DERA: variants seen among roughly 807,000 people sequenced by gnomAD.
DERA encodes the protein 2-deoxy-D-ribose 5-phosphate aldolase.
In DERA, 15 loss-of-function variants were observed where a neutral mutation model predicts 41.1. That is an observed-to-expected ratio of 0.37 (90% CI 0.24 to 0.56). DERA has a LOEUF of 0.56. DERA is among the 20% of genes least tolerant of loss of function. The pLI, the probability that DERA is intolerant of heterozygous loss-of-function variation, is 0.81. For synonymous variants in DERA, 139 were observed against 137.4 expected, an observed-to-expected ratio of 1.01 and a Z score of -0.08; for missense variants, 396 against 403.4, an observed-to-expected ratio of 0.98 and a Z score of 0.16.
rs1173044900 is a variant in DERA at position 15,959,040 on chromosome 12, C to T, written c.277+705C>T. Among the ~76,000 whole-genome samples, 2 of 152,154 alleles carry T rather than the reference C, an allele frequency of 1.3e-5. No homozygotes were observed. Among genetic ancestry groups the T allele is most frequent in the Admixed American group, 6.5e-5 (1 of 15,286 alleles). Reference sequence around the variant, plus strand: ...TTCCCATGGAGTATGCTTCATGGCCCCCGAGTGCCTATCTGCTGTGAGTGC... The same window carrying T: ...TTCCCATGGAGTATGCTTCATGGCCTCCGAGTGCCTATCTGCTGTGAGTGC... On this transcript the variant is annotated intron_variant, in intron 3 of 8. Coordinates refer to ENST00000428559, the MANE Select transcript of DERA (RefSeq NM_015954.4). The surrounding 1 kb of genome is among the most constrained non-coding windows in gnomAD (Gnocchi z 4.5).
At chr12:16,024,625 C>T (rs1592055924) in intron 6 of DERA, among the ~76,000 whole-genome samples, 2 of 152,116 alleles carry the variant, frequency 1.3e-5, no homozygotes, top group South Asian at 2.1e-4. Context: ...CAAAGCTTCC[C>T]AAGGCTTCAG....
At chr12:15,919,933 G>A (rs1406042213) in intron 1 of DERA, among the ~76,000 whole-genome samples, 1 of 151,936 alleles carries the variant, frequency 6.6e-6, no homozygotes, top group Admixed American at 6.6e-5. Context: ...GTTTTCAACT[G>A]TCCGCCTAAT....
chr12:15,948,742 G>T (rs1218100493), intron 1 of DERA, among the ~76,000 whole-genome samples: 1 of 152,218 alleles, frequency 6.6e-6, no homozygotes, highest in Non-Finnish European at 1.5e-5. Flanking sequence ...TTGCTGGCGA[G>T]AAGCTGCGTT....
Position 15,940,576 on chromosome 12 carries a change from C to T in DERA, c.32-16360C>T, listed in dbSNP as rs974247093. ...CCATGTTAGCCAAGATGGTCTTGAT[C>T]TCCTGACCTCGTGATCTGCCCTCCT... On this transcript the variant is annotated intron_variant, in intron 1 of 8. Transcript: ENST00000428559. This position sits in a 1 kb window ranked among gnomAD's most constrained non-coding sequence, Gnocchi z 5.1. 6.6e-6 allele frequency among the ~76,000 whole-genome samples: 1 copy of T among 152,114 alleles called. No individual in the cohort carries two copies. The highest frequency in any genetic ancestry group is 2.4e-5 in the African/African-American group (1 of 41,382).
rs1248430385 is a variant in DERA, at chr12:15,994,017, A to G, written c.637+11581A>G. Among the ~76,000 whole-genome samples the G allele has an allele frequency of 1.3e-5, 2 of 152,222 alleles. No homozygotes were observed. The highest frequency in any genetic ancestry group is 3.8e-4 in the East Asian group (2 of 5,202). On this transcript the variant is annotated intron_variant, in intron 6 of 8. Transcript: ENST00000428559. This position sits in a 1 kb window ranked among gnomAD's most constrained non-coding sequence, Gnocchi z 4.8. ...GAGAAAAGAAAAAGCTTAGTTTTTTATGTGGCATATTTTCTGGTCTGTGTA... is the reference window on the plus strand; with the variant it reads ...GAGAAAAGAAAAAGCTTAGTTTTTTGTGTGGCATATTTTCTGGTCTGTGTA...
In DERA at chr12:16,026,987, T is replaced by G. The variant is rs2136187683; in HGVS notation, c.638-5555T>G. On this transcript the variant is annotated intron_variant, in intron 6 of 8. Coordinates refer to ENST00000428559, the MANE Select transcript of DERA (RefSeq NM_015954.4). The surrounding 1 kb of genome is among the most constrained non-coding windows in gnomAD (Gnocchi z 4.4). ...AACCAAGTGTGATTTATTCCAGGTA[T>G]GCAAGTCTGGTTCAACATAATGTAA... is the stretch of plus-strand genomic sequence containing the variant. Among the ~76,000 whole-genome samples, 1 of 152,320 alleles carries G rather than the reference T, an allele frequency of 6.6e-6. No homozygotes were observed. Among genetic ancestry groups the G allele is most frequent in the South Asian group, 2.1e-4 (1 of 4,832 alleles).
In DERA at chr12:15,935,576, C is replaced by T. The variant is rs1396071483; in HGVS notation, c.32-21360C>T. ...AGTTTTCACATATCTGTACCAGTTT[C>T]AGTGTAATTTGATTTATTTATTTTT... On this transcript the variant is annotated intron_variant, in intron 1 of 8. Transcript: ENST00000428559. The surrounding 1 kb of genome is among the most constrained non-coding windows in gnomAD (Gnocchi z 4.8). 3.3e-5 allele frequency among the ~76,000 whole-genome samples: 5 copies of T among 152,112 alleles called. No homozygotes were observed. The highest frequency in any genetic ancestry group is 7.4e-5 in the Non-Finnish European group (5 of 68,006).
chr12:15,952,121 G>A (rs796696793), intron 1 of DERA, among the ~76,000 whole-genome samples: 8 of 152,226 alleles, frequency 5.3e-5, no homozygotes, highest in African/African-American at 1.9e-4. Flanking sequence ...GGCTGGTCTC[G>A]AACTCCTGAC....
chr12:15,963,502 T>G (rs917983760), intron 5 of DERA, among the ~76,000 whole-genome samples: 1 of 152,226 alleles, frequency 6.6e-6, no homozygotes. Context: ...CACTAAGACA[T>G]TGCCCTTTCC....
At chr12:16,006,106 C>A (rs1413478242) in intron 6 of DERA, among the ~76,000 whole-genome samples, 1 of 152,132 alleles carries the variant, frequency 6.6e-6, no homozygotes, top group Non-Finnish European at 1.5e-5. Context: ...TGTGGAAAAC[C>A]AGCTAATAGA....
At chr12:15,942,192 C>A (rs150918066) in intron 1 of DERA, among the ~76,000 whole-genome samples, 1 of 152,212 alleles carries the variant, frequency 6.6e-6, no homozygotes, top group East Asian at 1.9e-4. Flanking sequence ...ATGTCCTTTG[C>A]CCACTTTTAA....
rs550912298 is a variant in DERA, at chr12:16,011,689, G to T, written c.638-20853G>T. On this transcript the variant is annotated intron_variant, in intron 6 of 8. Transcript: ENST00000428559. This position sits in a 1 kb window ranked among gnomAD's most constrained non-coding sequence, Gnocchi z 4.7. ...CATAGCAAATCCCTTCATCAATAAG[G>T]TCAGCTATAGGAACTGGCCAAGAAG... Among the ~76,000 whole-genome samples the T allele has an allele frequency of 1.3e-5, 2 of 152,228 alleles. No homozygotes were observed. Among genetic ancestry groups the T allele is most frequent in the South Asian group, 2.1e-4 (1 of 4,822 alleles).
rs1212109873 is a variant in DERA, at chr12:15,934,293, A to C, written c.32-22643A>C. 3.9e-5 allele frequency among the ~76,000 whole-genome samples: 6 copies of C among 152,156 alleles called. No individual in the cohort carries two copies. In the East Asian group the frequency reaches 5.8e-4, roughly 15 times the overall value. ...GATGTATTAGAACTGTGCTGTTAGA[A>C]GTTTTACAATAGGCCCTGCGCGGTG... is the stretch of plus-strand genomic sequence containing the variant. On this transcript the variant is annotated intron_variant, in intron 1 of 8. Coordinates refer to ENST00000428559, the MANE Select transcript of DERA (RefSeq NM_015954.4).
intron 1 of DERA, among the ~76,000 whole-genome samples, chr12:15,946,036 AT>A (rs1239781482): frequency 1.3e-5 from 2 of 152,106 alleles, no homozygotes; most frequent in African/African-American, 4.8e-5. Context: ...ACATTTATTG[AT>A]TTGTGTACGT....
chr12:15,951,164 C>G (rs1345097923), intron 1 of DERA, among the ~76,000 whole-genome samples: 1 of 152,242 alleles, frequency 6.6e-6, no homozygotes, highest in Admixed American at 6.5e-5. Context: ...CCACAGACCC[C>G]TGCCCATGGG....
In DERA at chr12:15,924,603, A is replaced by G. The variant is rs1948268672; in HGVS notation, c.31+13189A>G. 6.6e-6 allele frequency among the ~76,000 whole-genome samples: 1 copy of G among 152,170 alleles called. No homozygotes were observed. The highest frequency in any genetic ancestry group is 2.1e-4 in the South Asian group (1 of 4,834). The stretch of plus-strand genomic sequence containing the variant: ...GCTTCAGCTGTTTCCTTATCTGTAA[A>G]ATGGACCTAATGGCTACCTGGTAGA... On this transcript the variant is annotated intron_variant, in intron 1 of 8. Transcript: ENST00000428559. This position sits in a 1 kb window ranked among gnomAD's most constrained non-coding sequence, Gnocchi z 5.0.
In DERA at chr12:15,922,527, T is replaced by C. The variant is rs1303718855; in HGVS notation, c.31+11113T>C. ...TGATTAGCATGTAGAGTCTAGAAAA[T>C]AGGCATTGATGCTGATAATACTGAA... On this transcript the variant is annotated intron_variant, in intron 1 of 8. Transcript: ENST00000428559. The surrounding 1 kb of genome is among the most constrained non-coding windows in gnomAD (Gnocchi z 4.9). Among the ~76,000 whole-genome samples, 1 of 152,140 alleles carries C rather than the reference T, an allele frequency of 6.6e-6. No individual in the cohort carries two copies. The highest frequency in any genetic ancestry group is 2.4e-5 in the African/African-American group (1 of 41,416).
At chr12:15,934,126 G>A (rs1948348890) in intron 1 of DERA, among the ~76,000 whole-genome samples, 1 of 152,136 alleles carries the variant, frequency 6.6e-6, no homozygotes, top group South Asian at 2.1e-4. Flanking sequence ...ATCCAGTAAT[G>A]GCCCATATCA....
rs1435265965 is a variant in DERA at position 15,981,187 on chromosome 12, A to T, written c.509-1121A>T. 6.6e-6 allele frequency among the ~76,000 whole-genome samples: 1 copy of T among 152,034 alleles called. No individual in the cohort carries two copies. Among genetic ancestry groups the T allele is most frequent in the Admixed American group, 6.6e-5 (1 of 15,260 alleles). On this transcript the variant is annotated intron_variant, in intron 5 of 8. Transcript: ENST00000428559. The surrounding 1 kb of genome is among the most constrained non-coding windows in gnomAD (Gnocchi z 6.1). ...CACGGTGAAACCCCGTCTCTACTAAAACTACAAAAAGTTACCCAGGCGTGG... is the reference window on the plus strand; with the variant it reads ...CACGGTGAAACCCCGTCTCTACTAATACTACAAAAAGTTACCCAGGCGTGG...
Sources: gnomAD v4.1 joint callset for allele counts (sites outside exome capture counted in the v4.1 genomes callset) on GRCh38, gnomAD v4.1.1 for gene constraint, Gnocchi (gnomAD v3.1) non-coding constraint, MANE v1.5 for transcripts, NCBI Gene and HGNC (gene_info 2026-07-23, HGNC 2026-07-21) for gene names.